Variants in PTPRT observed in about 807,000 individuals in gnomAD.
PTPRT encodes the protein receptor-type tyrosine-protein phosphatase T.
A neutral mutation model predicts 176.8 loss-of-function variants in PTPRT; 56 were observed. That is an observed-to-expected ratio of 0.32 (90% CI 0.26 to 0.40). The LOEUF (loss-of-function observed/expected upper bound fraction) is 0.40. Ranked by LOEUF, PTPRT falls within the 10% of genes least tolerant of loss-of-function variation. The probability of loss-of-function intolerance (pLI) is 1.00; values close to 1 mark genes in which losing one functional copy is unlikely to be tolerated. For synonymous variants in PTPRT, 783 were observed against 739.0 expected (o/e 1.06, Z -0.96); for missense variants, 1,540 against 1,908.2 (o/e 0.81, Z 3.60).
chr20:42,419,508 C>A (rs1483905344), intron 9 of PTPRT, among the ~76,000 whole-genome samples: 1 of 152,134 alleles, frequency 6.6e-6, no homozygotes, highest in African/African-American at 2.4e-5. Flanking sequence ...CTCTAAGACT[C>A]CCCTCCAGGC....
At chr20:42,184,522 C>T (rs967629590) in intron 16 of PTPRT, among the ~76,000 whole-genome samples, 1 of 113,648 alleles carries the variant, frequency 8.8e-6, no homozygotes, top group African/African-American at 3.5e-5. Flanking sequence ...CCTCCTCCTT[C>T]TTCTTCTTCT....
At chr20:42,768,536 A>G (rs2077017591) in intron 5 of PTPRT, among the ~76,000 whole-genome samples, 3 of 152,026 alleles carry the variant, frequency 2.0e-5, no homozygotes. Flanking sequence ...TGTTTATCTC[A>G]CAGACATTGT....
intron 7 of PTPRT, among the ~76,000 whole-genome samples, chr20:42,659,371 C>T (rs1450740474): frequency 1.3e-5 from 2 of 152,192 alleles, no homozygotes; most frequent in Non-Finnish European, 2.9e-5. Context: ...TGACATATTA[C>T]AGGCATCCCA....
Position 42,461,160 on chromosome 20 carries a change from C to A in PTPRT, c.1450+11106G>T, listed in dbSNP as rs62203544. ...CTGACCAACACGGAGAAACCCTGTC[C>A]CTACTAAAAATACAAATTTAGCCGG... On this transcript the variant is annotated intron_variant, in intron 8 of 30. Coordinates refer to ENST00000373187, the MANE Select transcript of PTPRT (RefSeq NM_007050.6). Among the ~76,000 whole-genome samples the A allele has an allele frequency of 8.7e-3, 1,328 of 152,160 alleles. 11 individuals carry two copies. Among genetic ancestry groups the A allele is most frequent in the Middle Eastern group, 0.014 (4 of 294 alleles).
chr20:42,240,640 G>T (rs751680487), intron 14 of PTPRT, among the ~76,000 whole-genome samples: 1 of 151,946 alleles, frequency 6.6e-6, no homozygotes, highest in Non-Finnish European at 1.5e-5. Flanking sequence ...AAACCCACCT[G>T]TTCAGCCATC....
At chr20:43,162,051 C>T (rs539184520) in intron 1 of PTPRT, among the ~76,000 whole-genome samples, 19 of 152,252 alleles carry the variant, frequency 1.2e-4, no homozygotes, top group African/African-American at 3.6e-4. Flanking sequence ...TCGAAACTGG[C>T]GGGCAAGAAG....
intron 7 of PTPRT, among the ~76,000 whole-genome samples, chr20:42,482,813 A>C (rs2071409666): frequency 6.6e-6 from 1 of 152,116 alleles, no homozygotes; most frequent in South Asian, 2.1e-4. Flanking sequence ...TTAGCTCGAA[A>C]TATTTTTTGA....
intron 17 of PTPRT, among the ~76,000 whole-genome samples, chr20:42,152,932 TA>T (rs1312803494): frequency 2.0e-5 from 3 of 151,700 alleles, no homozygotes; most frequent in Admixed American, 6.6e-5. Flanking sequence ...TTGTTTCTCC[TA>T]AAAAAAAATT....
intron 2 of PTPRT, among the ~76,000 whole-genome samples, chr20:42,860,772 C>T (rs1219144860): frequency 1.3e-5 from 2 of 151,982 alleles, no homozygotes; most frequent in Non-Finnish European, 2.9e-5. Context: ...TTCATTATTT[C>T]TCTTGGGGTT....
chr20:43,059,997 A>C (rs1600682229), intron 1 of PTPRT, among the ~76,000 whole-genome samples: 1 of 151,982 alleles, frequency 6.6e-6, no homozygotes, highest in Admixed American at 6.6e-5. Flanking sequence ...TTTGTCTAAA[A>C]AAAAAAAAAT....
chr20:42,859,338 C>T (rs919933922), intron 2 of PTPRT, among the ~76,000 whole-genome samples: 2 of 152,136 alleles, frequency 1.3e-5, no homozygotes, highest in Non-Finnish European at 2.9e-5. Flanking sequence ...GTCATGAAGA[C>T]ATAAAGTGTA....
At position 42,076,007 on chromosome 20, in the gene PTPRT, C is replaced by T. The variant is rs982318166; in HGVS notation, c.*4872G>A. Reference sequence around the variant, plus strand: ...ACTGGGTTCCAGTTTCCTGGCCTTGCGTTCCTGTTTTCCTGCCTAAAGTGC... The same window carrying T: ...ACTGGGTTCCAGTTTCCTGGCCTTGTGTTCCTGTTTTCCTGCCTAAAGTGC... On this transcript the variant is annotated 3_prime_UTR_variant, in exon 31 of 31. Transcript: ENST00000373187. 6 of 223,148 alleles carry T rather than the reference C, an allele frequency of 2.7e-5. No individual in the cohort carries two copies. The highest frequency in any genetic ancestry group is 1.8e-4 in the South Asian group (1 of 5,440). The allele number at this position is 223,148 out of a possible 1,614,324, so 13.8% of individuals were successfully genotyped here.
chr20:43,116,298 C>G (rs1054714771), intron 1 of PTPRT, among the ~76,000 whole-genome samples: 1 of 152,140 alleles, frequency 6.6e-6, no homozygotes, highest in Non-Finnish European at 1.5e-5. Context: ...GAAAAGCAGC[C>G]ATCACATCTT....
chr20:42,828,502 AG>A (rs1344648329), intron 2 of PTPRT, among the ~76,000 whole-genome samples: 1 of 152,174 alleles, frequency 6.6e-6, no homozygotes, highest in African/African-American at 2.4e-5. Flanking sequence ...CACCAAGACA[AG>A]GGGGAAAATG....
chr20:43,107,110 C>G (rs867980041), intron 1 of PTPRT, among the ~76,000 whole-genome samples: 1 of 152,156 alleles, frequency 6.6e-6, no homozygotes, highest in Non-Finnish European at 1.5e-5. Context: ...ACTTCTTAAA[C>G]ATTTTTCTAA....
At chr20:42,210,701 G>A (rs2055601585) in intron 15 of PTPRT, among the ~76,000 whole-genome samples, 1 of 151,814 alleles carries the variant, frequency 6.6e-6, no homozygotes. Flanking sequence ...AATCAATATC[G>A]TGAAAATGGC....
chr20:42,110,269 C>T (rs1986890105), intron 23 of PTPRT, 64 bp downstream of exon 23: 21 of 1,480,626 alleles, frequency 1.4e-5, no homozygotes, highest in Non-Finnish European at 1.7e-5. Context: ...CCAGGCTGGT[C>T]TCGAACTCCT....
chr20:42,347,214 T>C (rs1446245972), intron 11 of PTPRT, among the ~76,000 whole-genome samples: 1 of 152,138 alleles, frequency 6.6e-6, no homozygotes, highest in Non-Finnish European at 1.5e-5. Context: ...ACAATGGAAG[T>C]AAAGGAACAA....
chr20:42,771,440 G>T lies in PTPRT; in HGVS notation c.679C>A (p.Leu227Ile). 6.2e-7 allele frequency: 1 copy of T among 1,613,394 alleles called. No homozygotes were observed. Among genetic ancestry groups the T allele is most frequent in the East Asian group, 2.2e-5 (1 of 44,874 alleles). ...GKWSQHDKLWLQQWNGRDTAL... is the reference protein window; with the variant it reads ...GKWSQHDKLWIQQWNGRDTAL... ...GAGGCTTCTCTCATGCTTACCTGGA[G>T]CCAAAGCTTGTCATGCTGAGACCAC... The change falls in exon 5 of 31, where the codon CTC becomes ATC. Residue 227 changes from leucine (L) to isoleucine (I), a missense_variant. By Grantham distance (5) the Leu-to-Ile change is conservative (BLOSUM62 2). Transcript: ENST00000373187.
Sources: gnomAD v4.1 joint callset for allele counts (sites outside exome capture counted in the v4.1 genomes callset) on GRCh38, gnomAD v4.1.1 for gene constraint, MANE v1.5 for transcripts, NCBI Gene and HGNC (gene_info 2026-07-23, HGNC 2026-07-21) for gene names.